CCNI2: variants seen among roughly 807,000 people sequenced by gnomAD.
CCNI2 encodes the protein cyclin I family member 2, also known as cyclin-I2.
In CCNI2, 32 loss-of-function variants were observed where a neutral mutation model predicts 33.2. The ratio of observed to expected loss-of-function variants is 0.96; its 90% confidence interval spans 0.73 to 1.30. CCNI2 has a LOEUF of 1.30. CCNI2 is among the 50% of genes most tolerant of loss of function. CCNI2 has a pLI of 0.00. For synonymous variants in CCNI2, 231 were observed against 219.9 expected, an observed-to-expected ratio of 1.05 and a Z score of -0.45; for missense variants, 452 against 486.2, an observed-to-expected ratio of 0.93 and a Z score of 0.66.
chr5:132,747,551 T>C lies in CCNI2; in HGVS notation c.56T>C (p.Val19Ala). ...CCGTCGAGCTCAGAGGTCAGCGCCG[T>C]CCAGAGCCCAGGCGGGCGTCCCGGC... The part of the protein sequence containing the change: ...PQPSSSEVSA[V>A]QSPGGRPGAG... Residue 19 changes from valine to alanine, a missense_variant, in exon 1 of 6, where the codon GTC (valine) becomes GCC (alanine). By Grantham distance (64) the Val-to-Ala change is moderately conservative (BLOSUM62 0). Transcript: ENST00000378731. The surrounding 1 kb of genome is among the most constrained non-coding windows in gnomAD (Gnocchi z 4.1). 1.3e-6 allele frequency: 2 copies of C among 1,504,212 alleles called. No homozygotes were observed. The highest frequency in any genetic ancestry group is 1.2e-5 in the South Asian group (1 of 80,642). 93.2% of individuals were successfully genotyped at this position (1,504,212 alleles called of 1,614,324 possible).
rs1204279432 is a variant in CCNI2 at position 132,754,260 on chromosome 5, T to C, written c.*1290T>C. The C allele has an allele frequency of 1.6e-5, 10 of 618,678 alleles. No homozygotes were observed. The South Asian group carries it at 1.8e-4, about 11-fold the overall frequency. 38.3% of individuals were successfully genotyped at this position (618,678 alleles called of 1,614,324 possible). On this transcript the variant is annotated 3_prime_UTR_variant, in exon 6 of 6. Coordinates refer to ENST00000378731, the MANE Select transcript of CCNI2 (RefSeq NM_001039780.4). ...ATCTCCTAGGTCATATCAAGAACTCTCCTCTAGTCCAGAACCCATTTTACA... is the reference window on the plus strand; with the variant it reads ...ATCTCCTAGGTCATATCAAGAACTCCCCTCTAGTCCAGAACCCATTTTACA...
At chr5:132,754,579 C>T (rs1755165731), downstream of CCNI2, 1 of 713,916 alleles carries the variant, frequency 1.4e-6, no homozygotes, top group Non-Finnish European at 2.6e-6. Flanking sequence ...AGACAACCTT[C>T]TGCTCTGGCT....
Position 132,749,435 on chromosome 5 carries a change from G to A in CCNI2, c.633+13G>A. ...TGAAGAAGAGGAGGTATGCATCCTT[G>A]GAAGTCCACACTGGGCTGCACTTGA... On this transcript the variant is annotated intron_variant, in intron 3 of 5. Transcript: ENST00000378731. The A allele has an allele frequency of 6.2e-7, 1 of 1,609,632 alleles. No individual in the cohort carries two copies. Among genetic ancestry groups the A allele is most frequent in the Non-Finnish European group, 8.5e-7 (1 of 1,175,954 alleles).
chr5:132,754,652 G>C (rs1395195990), downstream of CCNI2: 1 of 604,602 alleles, frequency 1.7e-6, no homozygotes, highest in Admixed American at 2.8e-5. Flanking sequence ...AGTCCCACTC[G>C]TGGATTTTTA....
At chr5:132,751,414 G>A (rs1179320299) in intron 4 of CCNI2, 1 of 183,856 alleles carries the variant, frequency 5.4e-6, no homozygotes, top group Non-Finnish European at 1.1e-5. Context: ...ATATTGATCT[G>A]GCACTTAAAA....
intron 4 of CCNI2, 40 bp from the exon 5 acceptor site, chr5:132,751,926 T>G: frequency 6.4e-7 from 1 of 1,561,922 alleles, no homozygotes; most frequent in Admixed American, 1.9e-5. Context: ...AGGAAAAGTA[T>G]GGCGTTTTCT....
intron 3 of CCNI2, among the ~76,000 whole-genome samples, chr5:132,750,495 G>T (rs1198628696): frequency 6.6e-6 from 1 of 152,204 alleles, no homozygotes; most frequent in African/African-American, 2.4e-5. Context: ...CCACGGTAGG[G>T]ATCAGGAATA....
intron 4 of CCNI2, chr5:132,751,752 C>CT (rs879047407): frequency 0.036 from 19,165 of 537,586 alleles, 4 homozygotes; most frequent in South Asian, 0.047. Flanking sequence ...ACAAAGCAGA[C>CT]TTTTTTTTTT....
Position 132,747,814 on chromosome 5 carries a change from T to C in CCNI2, c.319T>C (p.Ser107Pro). The C allele has an allele frequency of 6.7e-7, 1 of 1,481,604 alleles. No homozygotes were observed. The highest frequency in any genetic ancestry group is 1.3e-5 in the South Asian group (1 of 78,180). 91.8% of individuals were successfully genotyped at this position (1,481,604 alleles called of 1,614,324 possible). A position where few individuals can be genotyped will look rare whatever the true frequency, so the allele number is the denominator to read the frequency against. Residue 107 changes from serine to proline, a missense_variant, in exon 1 of 6, where the codon TCC (serine) becomes CCC (proline). Ser to Pro is a moderately conservative substitution (Grantham distance 74). Coordinates refer to ENST00000378731, the MANE Select transcript of CCNI2 (RefSeq NM_001039780.4). The surrounding 1 kb of genome is among the most constrained non-coding windows in gnomAD (Gnocchi z 4.1). ...GCAAGCTCCGCGGCCGGCTCCACAG[T>C]CCCGCAAGCCGCGCAACCTGGAAGG... ...PEQAPRPAPQ[S>P]RKPRNLEGDL...
chr5:132,751,898 A>C, intron 4 of CCNI2, 68 bp from the exon 5 acceptor site: 3 of 1,506,138 alleles, frequency 2.0e-6, no homozygotes, highest in Non-Finnish European at 2.7e-6. Flanking sequence ...AATTGTTTGC[A>C]CTTTTGATCA....
intron 4 of CCNI2, chr5:132,751,307 C>T (rs1265967916): frequency 7.1e-6 from 2 of 280,462 alleles, no homozygotes; most frequent in Non-Finnish European, 1.3e-5. Flanking sequence ...TCTATGAATA[C>T]TGTACATAAA....
Position 132,748,368 on chromosome 5 carries a change from G to A in CCNI2, c.451G>A (p.Glu151Lys), listed in dbSNP as rs1754673605. The A allele has an allele frequency of 3.1e-6, 5 of 1,614,014 alleles. No homozygotes were observed. In the African/African-American group the frequency reaches 5.3e-5, roughly 17 times the overall value. ...KPQDEICDAF[E>K]EVVLWLLRLQ... The stretch of plus-strand genomic sequence containing the variant: ...GCAGGATGAAATCTGCGACGCCTTC[G>A]AGGAAGTCGTGCTGTGGCTCCTGCG... The change falls in exon 2 of 6, where the codon GAG (glutamate) becomes AAG (lysine). Residue 151 changes from glutamate to lysine, a missense_variant. Coordinates refer to ENST00000378731, the MANE Select transcript of CCNI2 (RefSeq NM_001039780.4).
At position 132,750,717 on chromosome 5, in the gene CCNI2, T is replaced by G. The variant is rs139524514; in HGVS notation, c.634-140T>G. 3.2e-4 allele frequency: 263 copies of G among 812,696 alleles called. 2 individuals carry two copies. In the African/African-American group the frequency reaches 4.2e-3, roughly 13 times the overall value. The allele number at this position is 812,696 out of a possible 1,614,324, so 50.3% of individuals were successfully genotyped here. ...AGATAGCCAAGATCTGGTTTAGTATTTCTTTCAGAAGCATTTTCTGTGGCA... is the reference window on the plus strand; with the variant it reads ...AGATAGCCAAGATCTGGTTTAGTATGTCTTTCAGAAGCATTTTCTGTGGCA... On this transcript the variant is annotated intron_variant, in intron 3 of 5. Coordinates refer to ENST00000378731, the MANE Select transcript of CCNI2 (RefSeq NM_001039780.4).
Position 132,748,393 on chromosome 5 carries a change from G to A in CCNI2, c.476G>A (p.Arg159Gln). 4 of 1,614,130 alleles carry A rather than the reference G, an allele frequency of 2.5e-6. No individual in the cohort carries two copies. The highest frequency in any genetic ancestry group is 3.4e-6 in the Non-Finnish European group (4 of 1,180,024). The change falls in exon 2 of 6, where the codon CGG becomes CAG. Residue 159 changes from arginine to glutamine, a missense_variant. Coordinates refer to ENST00000378731, the MANE Select transcript of CCNI2 (RefSeq NM_001039780.4). Reference protein sequence around the residue: ...AFEEVVLWLLRLQNTFYFSQS... With the variant: ...AFEEVVLWLLQLQNTFYFSQS... The stretch of plus-strand genomic sequence containing the variant: ...GAGGAAGTCGTGCTGTGGCTCCTGC[G>A]GCTTCAGAACACCTTTTACTTCTCC...
rs1305526612 is a variant in CCNI2 at position 132,753,746 on chromosome 5, G to A, written c.*776G>A. The A allele has an allele frequency of 6.6e-6, 1 of 152,392 alleles. No individual in the cohort carries two copies. The highest frequency in any genetic ancestry group is 6.5e-5 in the Admixed American group (1 of 15,300). 9.4% of individuals were successfully genotyped at this position (152,392 alleles called of 1,614,324 possible). A position where few individuals can be genotyped will look rare whatever the true frequency, so the allele number is the denominator to read the frequency against. On this transcript the variant is annotated 3_prime_UTR_variant, in exon 6 of 6. Coordinates refer to ENST00000378731, the MANE Select transcript of CCNI2 (RefSeq NM_001039780.4). Reference sequence around the variant, plus strand: ...GAATGCTTTCTGTTGGGATGAGCAGGTTCTGAGGCCAAGCCTGCTCCAACC... The same window carrying A: ...GAATGCTTTCTGTTGGGATGAGCAGATTCTGAGGCCAAGCCTGCTCCAACC...
At chr5:132,752,268 G>A in intron 5 of CCNI2, 72 bp downstream of exon 5, 2 of 1,481,070 alleles carry the variant, frequency 1.4e-6, no homozygotes, top group Non-Finnish European at 1.8e-6. Flanking sequence ...GACCCCAAAG[G>A]GGTACCCTTT....
downstream of CCNI2, chr5:132,755,938 C>A (rs1018172525): frequency 1.0e-4 from 97 of 965,496 alleles, no homozygotes; most frequent in Non-Finnish European, 1.2e-4. Flanking sequence ...ACAGTTGTAG[C>A]AGATTAATGG....
chr5:132,747,825 G>A lies in CCNI2; in HGVS notation c.330G>A (p.Pro110=), dbSNP rs1201732726. 28 of 1,480,786 alleles carry A rather than the reference G, an allele frequency of 1.9e-5. No homozygotes were observed. Among genetic ancestry groups the A allele is most frequent in the Non-Finnish European group, 2.5e-5 (28 of 1,123,486 alleles). The allele number at this position is 1,480,786 out of a possible 1,614,324, so 91.7% of individuals were successfully genotyped here. A position where few individuals can be genotyped will look rare whatever the true frequency, so the allele number is the denominator to read the frequency against. ...GGCCGGCTCCACAGTCCCGCAAGCC[G>A]CGCAACCTGGAAGGCGACCTGGACG... ...APRPAPQSRK[P]RNLEGDLDER... The change falls in exon 1 of 6, where the codon CCG becomes CCA. Residue 110 remains proline, a synonymous_variant. Transcript: ENST00000378731. The surrounding 1 kb of genome is among the most constrained non-coding windows in gnomAD (Gnocchi z 4.1).
chr5:132,752,759 T>A (rs1754963720), intron 5 of CCNI2, 107 bp from the exon 6 acceptor site: 2 of 878,808 alleles, frequency 2.3e-6, no homozygotes, highest in Non-Finnish European at 3.6e-6. Flanking sequence ...AGTTGGGTGG[T>A]TGGACCTTCC....
Sources: allele counts gnomAD v4.1 joint callset (sites outside exome capture counted in the v4.1 genomes callset), GRCh38; gene constraint gnomAD v4.1.1; non-coding constraint Gnocchi (gnomAD v3.1); transcripts MANE v1.5; gene names NCBI Gene and HGNC (gene_info 2026-07-23, HGNC 2026-07-21).